Variants in PLEKHG7 observed in about 807,000 individuals in gnomAD.
PLEKHG7 encodes pleckstrin homology domain-containing family G member 7.
A neutral mutation model predicts 85.2 loss-of-function variants in PLEKHG7; 77 were observed. The observed-to-expected ratio is 0.90, with a 90% CI of 0.75 to 1.09. PLEKHG7 has a LOEUF of 1.09. Ranked by LOEUF, PLEKHG7 falls within the 50% of genes least tolerant of loss-of-function variation. The pLI, the probability that PLEKHG7 is intolerant of heterozygous loss-of-function variation, is 0.00. For synonymous variants in PLEKHG7, 301 were observed against 302.4 expected (o/e 1.00, Z 0.05); for missense variants, 777 against 804.3 (o/e 0.97, Z 0.41).
chr12:92,750,794 A>T (rs2136617053), intron 10 of PLEKHG7, among the ~76,000 whole-genome samples: 1 of 152,092 alleles, frequency 6.6e-6, no homozygotes, highest in East Asian at 1.9e-4. Flanking sequence ...ATCCCTGCCA[A>T]CCTCAATGAG....
chr12:92,763,670 G>T (rs908917383), intron 14 of PLEKHG7, among the ~76,000 whole-genome samples: 2 of 151,960 alleles, frequency 1.3e-5, no homozygotes, highest in Non-Finnish European at 2.9e-5. Flanking sequence ...TAAAAAATTA[G>T]CAGGGCATGG....
chr12:92,736,533 G>A lies in PLEKHG7; in HGVS notation c.751G>A (p.Val251Met). Reference sequence around the variant, plus strand: ...TGATCTGGAAAACTGCCTGTCCTCTGTGAAAATTACCAGCTTCAGGGGCTA... The same window carrying A: ...TGATCTGGAAAACTGCCTGTCCTCTATGAAAATTACCAGCTTCAGGGGCTA... ...ISDLENCLSS[V>M]KITSFRGYDF... The change falls in exon 6 of 17, where the codon GTG (valine) becomes ATG (methionine). Residue 251 changes from valine to methionine, a missense_variant. Around this residue, in one of 3 missense-constraint regions of PLEKHG7, gnomAD observed 520 missense variants for 544.0 expected, o/e 0.96. Transcript: ENST00000344636. 8.1e-7 allele frequency: 1 copy of A among 1,231,932 alleles called. No homozygotes were observed. Among genetic ancestry groups the A allele is most frequent in the East Asian group, 3.2e-5 (1 of 31,712 alleles). 76.3% of individuals were successfully genotyped at this position (1,231,932 alleles called of 1,614,324 possible). A position where few individuals can be genotyped will look rare whatever the true frequency, so the allele number is the denominator to read the frequency against.
Position 92,770,109 on chromosome 12 carries a change from A to G in PLEKHG7, c.1990A>G (p.Thr664Ala). The change falls in exon 17 of 17, where the codon ACA (threonine) becomes GCA (alanine). Residue 664 changes from threonine to alanine, a missense_variant. Thr to Ala is a moderately conservative substitution (Grantham distance 58). Coordinates refer to ENST00000344636, the MANE Select transcript of PLEKHG7 (RefSeq NM_001377329.1). ...NIKKTWMAQITTAISCFTKSQ... is the reference protein window; with the variant it reads ...NIKKTWMAQIATAISCFTKSQ... ...ACAGAAAACATGGATGGCACAAATA[A>G]CAACTGCAATTTCTTGCTTTACCAA... The G allele has an allele frequency of 6.2e-7, 1 of 1,603,966 alleles. No homozygotes were observed. Among genetic ancestry groups the G allele is most frequent in the Non-Finnish European group, 8.5e-7 (1 of 1,176,308 alleles).
chr12:92,716,783 C>T (rs769199628), intron 3 of PLEKHG7, among the ~76,000 whole-genome samples: 10 of 152,136 alleles, frequency 6.6e-5, no homozygotes, highest in Non-Finnish European at 1.5e-4. Context: ...ATTCATCTGC[C>T]CCCAAGAATC....
chr12:92,716,128 G>T (rs940849322), intron 3 of PLEKHG7, among the ~76,000 whole-genome samples: 3 of 151,756 alleles, frequency 2.0e-5, no homozygotes, highest in Admixed American at 6.6e-5. Context: ...ACAGAGTCTT[G>T]CTCTGTCACT....
intron 7 of PLEKHG7, among the ~76,000 whole-genome samples, chr12:92,738,200 C>A (rs1446924088): frequency 1.3e-5 from 2 of 152,186 alleles, no homozygotes; most frequent in Non-Finnish European, 2.9e-5. Flanking sequence ...TAAATAGCAC[C>A]CCTATGGTCG....
chr12:92,725,620 T>C (rs1871770641), intron 3 of PLEKHG7, among the ~76,000 whole-genome samples: 1 of 152,180 alleles, frequency 6.6e-6, no homozygotes, highest in African/African-American at 2.4e-5. Flanking sequence ...CTTTTATAAC[T>C]GAAAATGAAC....
intron 7 of PLEKHG7, among the ~76,000 whole-genome samples, chr12:92,739,483 C>A (rs1277991601): frequency 1.3e-5 from 2 of 152,190 alleles, no homozygotes; most frequent in Non-Finnish European, 2.9e-5. Flanking sequence ...AGTTATGCCA[C>A]CTTCCTTGTC....
chr12:92,716,997 T>A (rs1353302156), intron 3 of PLEKHG7, among the ~76,000 whole-genome samples: 2 of 152,204 alleles, frequency 1.3e-5, no homozygotes, highest in Non-Finnish European at 2.9e-5. Context: ...GCAGTGAAAC[T>A]GTGTTGGTGG....
intron 9 of PLEKHG7, among the ~76,000 whole-genome samples, chr12:92,745,144 TGGAG>T (rs1169273789): frequency 6.6e-6 from 1 of 152,200 alleles, no homozygotes; most frequent in Non-Finnish European, 1.5e-5. Flanking sequence ...CTGGGTGTCC[TGGAG>T]GGTGTGGCAC....
intron 5 of PLEKHG7, among the ~76,000 whole-genome samples, chr12:92,732,522 A>G (rs894995163): frequency 3.9e-5 from 6 of 152,224 alleles, no homozygotes; most frequent in African/African-American, 1.2e-4. Context: ...AAGCAATCCT[A>G]ATATAGTGAT....
At chr12:92,736,999 G>T (rs551199794) in intron 6 of PLEKHG7, among the ~76,000 whole-genome samples, 7 of 152,126 alleles carry the variant, frequency 4.6e-5, no homozygotes, top group Non-Finnish European at 7.4e-5. Flanking sequence ...ACGGAACCTG[G>T]AATCAGACTT....
Position 92,744,611 on chromosome 12 carries a change from G to A in PLEKHG7, c.1138-867G>A, listed in dbSNP as rs142943780. Among the ~76,000 whole-genome samples, 880 of 151,234 alleles carry A rather than the reference G, an allele frequency of 5.8e-3. 8 individuals carry two copies. The highest frequency in any genetic ancestry group is 0.019 in the African/African-American group (790 of 41,242). ...AGCATTAGATTGAGTAAGATAAAGC[G>A]CATGCTACTAGATACAGTATGCTGA... On this transcript the variant is annotated intron_variant, in intron 9 of 16. Coordinates refer to ENST00000344636, the MANE Select transcript of PLEKHG7 (RefSeq NM_001377329.1).
At chr12:92,735,456 C>G (rs1364058761) in intron 5 of PLEKHG7, among the ~76,000 whole-genome samples, 1 of 152,166 alleles carries the variant, frequency 6.6e-6, no homozygotes, top group East Asian at 1.9e-4. Flanking sequence ...CCTTCTCTTG[C>G]TCCTGAAAAA....
rs768237157 is a variant in PLEKHG7, at chr12:92,741,487, C to G, written c.1036-4C>G. ...ATTTTTGTTTTCTTTCTCTCTGTCC[C>G]TAGACAAGCCTTGGTTTTGTGAACA... On this transcript the variant is annotated splice_region_variant and splice_polypyrimidine_tract_variant and intron_variant, in intron 8 of 16. Coordinates refer to ENST00000344636, the MANE Select transcript of PLEKHG7 (RefSeq NM_001377329.1). 1.9e-6 allele frequency: 3 copies of G among 1,603,488 alleles called. No homozygotes were observed.
In PLEKHG7 at chr12:92,703,123, C is replaced by A. The variant is rs1184427064; in HGVS notation, c.-171C>A. On this transcript the variant is annotated 5_prime_UTR_variant, in exon 1 of 17. Coordinates refer to ENST00000344636, the MANE Select transcript of PLEKHG7 (RefSeq NM_001377329.1). ...GGTGCAGTTGCCTTCAGGGACAGAC[C>A]ATCTTACAGGTATTAAAGGCAACAT... The A allele has an allele frequency of 2.0e-5, 3 of 152,218 alleles. No homozygotes were observed. Among genetic ancestry groups the A allele is most frequent in the Non-Finnish European group, 4.4e-5 (3 of 68,050 alleles). The allele number at this position is 152,218 out of a possible 1,614,324, so 9.4% of individuals were successfully genotyped here. A position where few individuals can be genotyped will look rare whatever the true frequency, so the allele number is the denominator to read the frequency against.
intron 5 of PLEKHG7, among the ~76,000 whole-genome samples, chr12:92,733,936 A>T (rs2136596313): frequency 6.6e-6 from 1 of 152,328 alleles, no homozygotes; most frequent in Non-Finnish European, 1.5e-5. Context: ...GGGACTGACA[A>T]GTAAACTGTG....
At chr12:92,731,516 C>A (rs1871992951) in intron 4 of PLEKHG7, among the ~76,000 whole-genome samples, 1 of 152,170 alleles carries the variant, frequency 6.6e-6, no homozygotes, top group South Asian at 2.1e-4. Flanking sequence ...GCCACCCACA[C>A]CTAAGAGACA....
intron 3 of PLEKHG7, among the ~76,000 whole-genome samples, chr12:92,709,598 A>G (rs913144930): frequency 3.9e-5 from 6 of 152,256 alleles, no homozygotes; most frequent in African/African-American, 1.4e-4. Context: ...GTCTGGGTCC[A>G]GCTCTGATTA....
Sources: allele counts gnomAD v4.1 joint callset (sites outside exome capture counted in the v4.1 genomes callset), GRCh38; gene constraint gnomAD v4.1.1; regional missense constraint gnomAD v4.1.1; transcripts MANE v1.5; gene names NCBI Gene and HGNC (gene_info 2026-07-23, HGNC 2026-07-21).